QKI: variants seen among roughly 807,000 people sequenced by gnomAD.
QKI encodes the protein QKI, KH domain containing RNA binding, also known as KH domain-containing RNA-binding protein QKI.
In QKI, 10 loss-of-function variants were observed where a neutral mutation model predicts 39.0. That is an observed-to-expected ratio of 0.26 (90% CI 0.16 to 0.43). The LOEUF (loss-of-function observed/expected upper bound fraction) is 0.43. QKI is among the 20% of genes least tolerant of loss of function. The probability of loss-of-function intolerance (pLI) is 1.00; values close to 1 mark genes in which losing one functional copy is unlikely to be tolerated. For missense variants in QKI, 218 were observed against 428.0 expected, an observed-to-expected ratio of 0.51 and a Z score of 4.33; for synonymous variants, 204 against 155.4, an observed-to-expected ratio of 1.31 and a Z score of -2.33.
chr6:163,448,454 G>C (rs188600615), intron 1 of QKI, among the ~76,000 whole-genome samples: 4 of 151,882 alleles, frequency 2.6e-5, no homozygotes. Context: ...TAGGCTAGGC[G>C]CAGTGGCTCA....
At chr6:163,554,948 A>G (rs947434416) in intron 4 of QKI, among the ~76,000 whole-genome samples, 6 of 152,174 alleles carry the variant, frequency 3.9e-5, no homozygotes, top group Admixed American at 6.5e-5. Context: ...CTTCCCTCTC[A>G]TAAACCCCTT....
Position 163,574,966 on chromosome 6 carries a change from A to G in QKI, c.*4256A>G, listed in dbSNP as rs1371510487. The stretch of plus-strand genomic sequence containing the variant: ...TCATTTCATAAATATGTATACACAC[A>G]TATAAATACACAGAGTAGTGTTAGC... On this transcript the variant is annotated 3_prime_UTR_variant, in exon 8 of 8. Coordinates refer to ENST00000361752, the MANE Select transcript of QKI (RefSeq NM_006775.3). 6.6e-6 allele frequency: 1 copy of G among 152,230 alleles called. No individual in the cohort carries two copies. Among genetic ancestry groups the G allele is most frequent in the Admixed American group, 6.5e-5 (1 of 15,288 alleles). The allele number at this position is 152,230 out of a possible 1,614,324, so 9.4% of individuals were successfully genotyped here.
chr6:163,443,873 C>T (rs752676961), intron 1 of QKI, among the ~76,000 whole-genome samples: 104 of 152,150 alleles, frequency 6.8e-4, no homozygotes, highest in Non-Finnish European at 1.4e-3. Flanking sequence ...CCTACACAGA[C>T]GTAACTCCTT....
rs1783354864 is a variant in QKI, at chr6:163,566,217, T to C, written c.935-504T>C. ...TGCTAAGTGTACTATACTGTTTGCT[T>C]TACTAATCACCTAATTCATTGCAGT... On this transcript the variant is annotated intron_variant, in intron 6 of 7. Transcript: ENST00000361752. 6 of 1,297,948 alleles carry C rather than the reference T, an allele frequency of 4.6e-6. No individual in the cohort carries two copies. In the South Asian group the frequency reaches 1.1e-4, roughly 24 times the overall value. 80.4% of individuals were successfully genotyped at this position (1,297,948 alleles called of 1,614,324 possible).
At chr6:163,461,194 T>A (rs576832173) in intron 2 of QKI, among the ~76,000 whole-genome samples, 32 of 152,322 alleles carry the variant, frequency 2.1e-4, no homozygotes, top group African/African-American at 7.5e-4. Flanking sequence ...AGGGTATATT[T>A]AGGGCCTGTT....
rs1790003577 is a variant in QKI at position 163,444,557 on chromosome 6, A to AAG, written c.143-10722_143-10721insAG. Among the ~76,000 whole-genome samples the AAG allele has an allele frequency of 3.7e-5, 4 of 107,262 alleles. No individual in the cohort carries two copies. In the Admixed American group the frequency reaches 3.9e-4, roughly 10 times the overall value. The allele number at this position is 107,262 out of a possible 152,430, so 70.4% of individuals were successfully genotyped here. A position where few individuals can be genotyped will look rare whatever the true frequency, so the allele number is the denominator to read the frequency against. On this transcript the variant is annotated intron_variant, in intron 1 of 7. Coordinates refer to ENST00000361752, the MANE Select transcript of QKI (RefSeq NM_006775.3). The stretch of plus-strand genomic sequence containing the variant: ...AGCAGTATATTAAAGAAAATCTAAA[A>AAG]CGTATAGATAAAATTTACAAAGCTT...
chr6:163,566,677 G>T, intron 6 of QKI, 44 bp from the exon 7 acceptor site: 1 of 1,605,898 alleles, frequency 6.2e-7, no homozygotes, highest in Non-Finnish European at 8.5e-7. Context: ...TTCCCCCCTT[G>T]TGAATGTTTT....
chr6:163,573,155 C>G lies in QKI; in HGVS notation c.*2445C>G, dbSNP rs1783799400. ...ATAGGGAATGTTGGCTCTGAACAAA[C>G]TTTTGAAAACTTGGTTGACAAAATT... is the stretch of plus-strand genomic sequence containing the variant. On this transcript the variant is annotated 3_prime_UTR_variant, in exon 8 of 8. Transcript: ENST00000361752. The G allele has an allele frequency of 6.6e-6, 1 of 152,090 alleles. No homozygotes were observed. Among genetic ancestry groups the G allele is most frequent in the Non-Finnish European group, 1.5e-5 (1 of 68,012 alleles). The allele number at this position is 152,090 out of a possible 1,614,324, so 9.4% of individuals were successfully genotyped here.
At chr6:163,473,064 G>GC (rs1792324808) in intron 2 of QKI, among the ~76,000 whole-genome samples, 1 of 152,134 alleles carries the variant, frequency 6.6e-6, no homozygotes, top group African/African-American at 2.4e-5. Context: ...CAATATATCA[G>GC]CTAGCTATCT....
intron 3 of QKI, among the ~76,000 whole-genome samples, chr6:163,481,005 G>T (rs1479658578): frequency 6.6e-6 from 1 of 152,128 alleles, no homozygotes; most frequent in Non-Finnish European, 1.5e-5. Flanking sequence ...GAGCATTAGA[G>T]CTTATAACTG....
chr6:163,551,768 T>G (rs1562535774), intron 4 of QKI, among the ~76,000 whole-genome samples: 2 of 152,236 alleles, frequency 1.3e-5, no homozygotes, highest in Admixed American at 6.5e-5. Context: ...AGTACTTCAT[T>G]ACTGTGATGA....
Position 163,415,247 on chromosome 6 carries a change from G to A in QKI, c.54G>A (p.Leu18=). ...KEKPKPTPDY[L]MQLMNDKKLM... ...AGCCGAAGCCCACCCCAGATTACCT[G>A]ATGCAGCTGATGAACGACAAGAAGC... The change falls in exon 1 of 8, where the codon CTG becomes CTA. Residue 18 remains leucine, a synonymous_variant. Coordinates refer to ENST00000361752, the MANE Select transcript of QKI (RefSeq NM_006775.3). The A allele has an allele frequency of 6.3e-7, 1 of 1,598,914 alleles. No homozygotes were observed.
intron 3 of QKI, among the ~76,000 whole-genome samples, chr6:163,524,278 A>G (rs1267997525): frequency 7.9e-5 from 12 of 152,198 alleles, no homozygotes; most frequent in Admixed American, 7.9e-4. Context: ...GTATTTAAAA[A>G]TAATTTTATT....
intron 1 of QKI, among the ~76,000 whole-genome samples, chr6:163,443,566 T>TAACAACAACAAC (rs3884381): frequency 6.6e-6 from 1 of 151,978 alleles, no homozygotes. Context: ...CTCAAAACAA[T>TAACAACAACAAC]AACAACAACA....
chr6:163,520,600 G>A (rs1289725483), intron 3 of QKI, among the ~76,000 whole-genome samples: 1 of 152,148 alleles, frequency 6.6e-6, no homozygotes, highest in African/African-American at 2.4e-5. Context: ...TTAGCTACAA[G>A]GCTTTGCAGT....
At chr6:163,512,966 A>G (rs752800315) in intron 3 of QKI, among the ~76,000 whole-genome samples, 3 of 152,298 alleles carry the variant, frequency 2.0e-5, no homozygotes, top group Non-Finnish European at 4.4e-5. Context: ...TTCCTTATCC[A>G]CAGTTTTGCT....
intron 4 of QKI, among the ~76,000 whole-genome samples, chr6:163,550,214 C>T (rs1437862370): frequency 6.6e-6 from 1 of 152,140 alleles, no homozygotes; most frequent in South Asian, 2.1e-4. Flanking sequence ...GGTGGGGACT[C>T]TGCAGTGTCC....
intron 3 of QKI, among the ~76,000 whole-genome samples, chr6:163,510,691 G>A (rs1333491316): frequency 6.6e-6 from 1 of 152,088 alleles, no homozygotes; most frequent in Non-Finnish European, 1.5e-5. Context: ...AAAATAGATT[G>A]CAACAGAAAA....
At chr6:163,546,708 A>G (rs964002958) in intron 4 of QKI, among the ~76,000 whole-genome samples, 1 of 152,062 alleles carries the variant, frequency 6.6e-6, no homozygotes, top group African/African-American at 2.4e-5. Context: ...TCAAATAAGC[A>G]TTTTAGTATT....
Sources: allele counts gnomAD v4.1 joint callset (sites outside exome capture counted in the v4.1 genomes callset), GRCh38; gene constraint gnomAD v4.1.1; transcripts MANE v1.5; gene names NCBI Gene and HGNC (gene_info 2026-07-23, HGNC 2026-07-21).